Variants in RNF13 observed in about 807,000 individuals in gnomAD.
RNF13 encodes the protein ring finger protein 13, also known as E3 ubiquitin-protein ligase RNF13.
In RNF13, 19 loss-of-function variants were observed where a neutral mutation model predicts 37.7. That is an observed-to-expected ratio of 0.50 (90% CI 0.35 to 0.74). The LOEUF (loss-of-function observed/expected upper bound fraction) is 0.74. Among genes scored for constraint, RNF13 ranks in the 30% least tolerant of loss-of-function variants. The pLI is 0.01. For synonymous variants in RNF13, 144 were observed against 157.8 expected (o/e 0.91, Z 0.65); for missense variants, 375 against 453.0 (o/e 0.83, Z 1.56).
At chr3:149,825,146 A>G (rs1436578233) in intron 1 of RNF13, among the ~76,000 whole-genome samples, 2 of 150,720 alleles carry the variant, frequency 1.3e-5, no homozygotes, top group Non-Finnish European at 3.0e-5. Flanking sequence ...TTTTGTAGAG[A>G]CAGAGTCTAG....
intron 3 of RNF13, among the ~76,000 whole-genome samples, chr3:149,862,446 A>G (rs1031723712): frequency 6.6e-6 from 1 of 152,016 alleles, no homozygotes; most frequent in African/African-American, 2.4e-5. Flanking sequence ...CCTGAAACTT[A>G]TGTGTATCTT....
intron 6 of RNF13, among the ~76,000 whole-genome samples, chr3:149,906,951 C>G (rs1289733231): frequency 6.6e-6 from 1 of 152,118 alleles, no homozygotes; most frequent in Non-Finnish European, 1.5e-5. Flanking sequence ...GCAGCGAATT[C>G]TGTTTTTATG....
chr3:149,957,254 T>G lies in RNF13; in HGVS notation c.701-2802T>G, dbSNP rs544168086. On this transcript the variant is annotated intron_variant, in intron 8 of 9. Transcript: ENST00000392894. ...ATGGTACATGAAGCATTTTCTACCA[T>G]TTTTAGTTTCAAGTATTTTAGTGGG... Among the ~76,000 whole-genome samples, 3 of 152,318 alleles carry G rather than the reference T, an allele frequency of 2.0e-5. No homozygotes were observed. The South Asian group carries it at 6.2e-4, about 32-fold the overall frequency.
At chr3:149,934,011 G>T (rs1719439097) in intron 8 of RNF13, among the ~76,000 whole-genome samples, 4 of 152,088 alleles carry the variant, frequency 2.6e-5, no homozygotes, top group Admixed American at 2.6e-4. Context: ...ATCCAGTCCT[G>T]GGCTTTTCTT....
chr3:149,826,653 T>G (rs1257623091), intron 1 of RNF13, among the ~76,000 whole-genome samples: 1 of 152,204 alleles, frequency 6.6e-6, no homozygotes, highest in Non-Finnish European at 1.5e-5. Context: ...GGAGTTTTAG[T>G]TTTTTATTAT....
intron 4 of RNF13, among the ~76,000 whole-genome samples, chr3:149,884,138 G>A (rs1713742482): frequency 6.6e-6 from 1 of 152,100 alleles, no homozygotes; most frequent in African/African-American, 2.4e-5. Flanking sequence ...TCTTTGTTGT[G>A]AATAGTGCAT....
At chr3:149,904,962 C>CT (rs1193829848) in intron 6 of RNF13, among the ~76,000 whole-genome samples, 1 of 152,098 alleles carries the variant, frequency 6.6e-6, no homozygotes, top group African/African-American at 2.4e-5. Flanking sequence ...GCATAGAACT[C>CT]TTATTTTGTG....
At chr3:149,860,268 AAAATATAT>A (rs1450717174) in intron 3 of RNF13, among the ~76,000 whole-genome samples, 4 of 91,696 alleles carry the variant, frequency 4.4e-5, no homozygotes, top group African/African-American at 1.6e-4. Flanking sequence ...AAAAAAAAAA[AAAATATAT>A]ATATATATAT....
At chr3:149,951,749 G>A (rs1320100871) in intron 8 of RNF13, among the ~76,000 whole-genome samples, 1 of 152,158 alleles carries the variant, frequency 6.6e-6, no homozygotes, top group Non-Finnish European at 1.5e-5. Context: ...AGCAAACTGT[G>A]TACTTTGCAT....
chr3:149,863,976 G>A (rs1198396026), intron 3 of RNF13, among the ~76,000 whole-genome samples: 2 of 121,904 alleles, frequency 1.6e-5, no homozygotes, highest in Non-Finnish European at 3.4e-5. Context: ...TTATTTTGTT[G>A]CATGTAGCTG....
chr3:149,906,645 C>CTTTTTTTTTTTTTATTTTTTTT, intron 6 of RNF13, among the ~76,000 whole-genome samples: 1 of 79,154 alleles, frequency 1.3e-5, no homozygotes, highest in Non-Finnish European at 2.2e-5. Flanking sequence ...TTCAATTCTG[C>CTTTTTTTTTTTTTATTTTTTTT]TTTTTTTTTT....
At chr3:149,907,265 T>C (rs1388862352) in intron 6 of RNF13, among the ~76,000 whole-genome samples, 4 of 152,204 alleles carry the variant, frequency 2.6e-5, no homozygotes, top group Non-Finnish European at 5.9e-5. Context: ...ATTGCATTGG[T>C]AATAACTTTA....
chr3:149,862,531 T>C (rs1388093367), intron 3 of RNF13, among the ~76,000 whole-genome samples: 2 of 152,150 alleles, frequency 1.3e-5, no homozygotes, highest in Non-Finnish European at 2.9e-5. Flanking sequence ...TGTGCTTCCA[T>C]TTAAATTTTC....
intron 8 of RNF13, among the ~76,000 whole-genome samples, chr3:149,938,287 C>T (rs937659580): frequency 6.6e-6 from 1 of 151,876 alleles, no homozygotes; most frequent in African/African-American, 2.4e-5. Context: ...AAGCAATTCT[C>T]CTCCTTCAGC....
chr3:149,936,721 C>A (rs777037729), intron 8 of RNF13, among the ~76,000 whole-genome samples: 9 of 152,128 alleles, frequency 5.9e-5, no homozygotes, highest in Non-Finnish European at 1.2e-4. Context: ...TAGGGTGTCA[C>A]TGGCTCCTTG....
At chr3:149,832,112 G>GA (rs1294789073) in intron 1 of RNF13, among the ~76,000 whole-genome samples, 1 of 152,006 alleles carries the variant, frequency 6.6e-6, no homozygotes, top group African/African-American at 2.4e-5. Flanking sequence ...TACATTTCTT[G>GA]AAAAAAACAA....
chr3:149,865,015 A>G (rs889304157), intron 3 of RNF13, among the ~76,000 whole-genome samples: 3 of 152,074 alleles, frequency 2.0e-5, no homozygotes, highest in Non-Finnish European at 4.4e-5. Flanking sequence ...TGTAAATGAA[A>G]TTTTATTTGC....
intron 1 of RNF13, among the ~76,000 whole-genome samples, chr3:149,825,559 A>G (rs1720418107): frequency 6.6e-6 from 1 of 152,146 alleles, no homozygotes; most frequent in Non-Finnish European, 1.5e-5. Context: ...TCAGCACCCC[A>G]GTGGGCTGTT....
chr3:149,941,208 A>G (rs764491486), intron 8 of RNF13, among the ~76,000 whole-genome samples: 18 of 152,120 alleles, frequency 1.2e-4, no homozygotes, highest in Non-Finnish European at 2.2e-4. Context: ...CTTTCTGGAT[A>G]TATATCCAGA....
Sources: allele counts gnomAD v4.1 joint callset (sites outside exome capture counted in the v4.1 genomes callset), GRCh38; gene constraint gnomAD v4.1.1; transcripts MANE v1.5; gene names NCBI Gene and HGNC (gene_info 2026-07-23, HGNC 2026-07-21).